WNK3: variants seen among roughly 807,000 people sequenced by gnomAD.
The protein encoded by WNK3 is WNK lysine deficient protein kinase 3.
In WNK3, 18 loss-of-function variants were observed where a neutral mutation model predicts 116.7. The observed-to-expected ratio is 0.15, with a 90% CI of 0.11 to 0.23. The LOEUF is 0.23. Ranked by LOEUF, WNK3 falls within the 10% of genes least tolerant of loss-of-function variation. WNK3 has a pLI of 1.00. For missense variants in WNK3, 993 were observed against 1,323.8 expected (o/e 0.75, Z 3.88); for synonymous variants, 404 against 469.4 (o/e 0.86, Z 1.80).
chrX:54,298,423 C>T, intron 6 of WNK3, 29 bp from the exon 7 acceptor site: 1 of 1,066,009 alleles, frequency 9.4e-7, no homozygotes, highest in Non-Finnish European at 1.3e-6. Context: ...ATCTCATTAT[C>T]AGTTCTTCCA....
chrX:54,213,575 A>AAAAAAAAAC (rs2067647374), intron 22 of WNK3, among the ~76,000 whole-genome samples: 1 of 105,178 alleles, frequency 9.5e-6, no homozygotes, highest in African/African-American at 3.6e-5. Context: ...CAAACAAAAA[A>AAAAAAAAAC]AAAAAAACTA....
At chrX:54,233,445 AAAAG>A (rs1380242496) in intron 20 of WNK3, among the ~76,000 whole-genome samples, 3 of 102,461 alleles carry the variant, frequency 2.9e-5, no homozygotes, top group East Asian at 3.1e-4. Context: ...CAAAAAAAAA[AAAAG>A]AAAGAAAGAG....
chrX:54,288,628 C>T (rs2147095404), intron 10 of WNK3, among the ~76,000 whole-genome samples: 1 of 111,569 alleles, frequency 9.0e-6, no homozygotes, highest in African/African-American at 3.2e-5. Flanking sequence ...TGTCCTTCCA[C>T]TGCCCTCTGA....
At chrX:54,332,856 T>G (rs1331419470) in intron 2 of WNK3, among the ~76,000 whole-genome samples, 1 of 101,558 alleles carries the variant, frequency 9.8e-6, no homozygotes, top group African/African-American at 3.7e-5. Flanking sequence ...CAGATCAAGA[T>G]TCCGCCTCAA....
chrX:54,252,534 G>A (rs187282253), intron 13 of WNK3, among the ~76,000 whole-genome samples: 2 of 109,786 alleles, frequency 1.8e-5, no homozygotes, highest in East Asian at 2.9e-4. Flanking sequence ...GCTGGGTGTG[G>A]TGGCGTGCGC....
intron 22 of WNK3, among the ~76,000 whole-genome samples, chrX:54,226,887 ATCT>A (rs1708458800): frequency 9.0e-6 from 1 of 111,639 alleles, no homozygotes; most frequent in Admixed American, 9.5e-5. Flanking sequence ...ATAGGAATAA[ATCT>A]TCATGACCTT....
chrX:54,228,938 A>G (rs915793922), intron 21 of WNK3, among the ~76,000 whole-genome samples, 195 bp from the exon 22 acceptor site: 1 of 111,696 alleles, frequency 9.0e-6, no homozygotes, highest in Non-Finnish European at 1.9e-5. Flanking sequence ...TGTCCAATAT[A>G]AAGTTTTAGC....
intron 2 of WNK3, among the ~76,000 whole-genome samples, chrX:54,317,351 G>A (rs2068970956): frequency 9.1e-6 from 1 of 109,808 alleles, no homozygotes; most frequent in Non-Finnish European, 1.9e-5. Context: ...GTAGGGACGG[G>A]GTTTCACCAT....
At chrX:54,193,315 A>G (rs1365327357) in exon 24 of WNK3, 1 of 111,357 alleles carries the variant, frequency 9.0e-6, no homozygotes, top group African/African-American at 3.3e-5. Flanking sequence ...CCAGTTAGTC[A>G]CTGTATCTGC....
At chrX:54,248,620 A>G in intron 17 of WNK3, 77 bp downstream of exon 17, 1 of 897,337 alleles carries the variant, frequency 1.1e-6, no homozygotes, top group Non-Finnish European at 1.5e-6. Context: ...CTCAAAGGAC[A>G]GAATTTTAGA....
intron 10 of WNK3, among the ~76,000 whole-genome samples, chrX:54,269,384 T>C (rs2068353132): frequency 9.0e-6 from 1 of 111,246 alleles, no homozygotes; most frequent in Admixed American, 9.7e-5. Context: ...TATAACCACA[T>C]CAAACTCATC....
At chrX:54,300,969 G>A (rs1169541985) in intron 6 of WNK3, among the ~76,000 whole-genome samples, 9 of 111,363 alleles carry the variant, frequency 8.1e-5, no homozygotes, top group Non-Finnish European at 1.5e-4. Context: ...CAGGTTGGGC[G>A]TGGTGGTTCA....
chrX:54,227,133 A>C (rs1464997125), intron 22 of WNK3, among the ~76,000 whole-genome samples: 7 of 112,042 alleles, frequency 6.2e-5, no homozygotes, highest in Non-Finnish European at 1.1e-4. Flanking sequence ...ATATTCAGTA[A>C]GGCTCTAGTC....
chrX:54,213,584 T>TAAAAAAAAAAAA (rs2067648065), intron 22 of WNK3, among the ~76,000 whole-genome samples: 2 of 66,574 alleles, frequency 3.0e-5, no homozygotes, highest in African/African-American at 1.7e-4. Context: ...AAAAAAAAAC[T>TAAAAAAAAAAAA]AGGGGAAAAA....
intron 18 of WNK3, 130 bp from the exon 19 acceptor site, chrX:54,238,602 G>A (rs1364898937): frequency 6.2e-6 from 4 of 648,613 alleles, no homozygotes; most frequent in Admixed American, 3.9e-5. Context: ...AGGTGTTAAT[G>A]TAATAAGCAA....
intron 10 of WNK3, among the ~76,000 whole-genome samples, chrX:54,262,930 CAA>C (rs1302359229): frequency 1.0e-3 from 8 of 8,038 alleles, no homozygotes; most frequent in African/African-American, 5.0e-3. Flanking sequence ...GAAACTGTCT[CAA>C]AAAAAAAAAA....
At chrX:54,251,147 A>T (rs2068125069) in intron 15 of WNK3, among the ~76,000 whole-genome samples, 1 of 111,979 alleles carries the variant, frequency 8.9e-6, no homozygotes, top group Non-Finnish European at 1.9e-5. Flanking sequence ...GGTCATCAGT[A>T]CTGTGACTGC....
At chrX:54,227,305 CTTTGA>C (rs1229420331) in intron 22 of WNK3, among the ~76,000 whole-genome samples, 2 of 111,497 alleles carry the variant, frequency 1.8e-5, no homozygotes, top group African/African-American at 6.5e-5. Context: ...CTCATTGTGC[CTTTGA>C]TTTACATTTC....
chrX:54,273,944 T>C (rs1387037729), intron 10 of WNK3, among the ~76,000 whole-genome samples: 1 of 111,182 alleles, frequency 9.0e-6, no homozygotes, highest in African/African-American at 3.3e-5. Context: ...GAAGAACAAA[T>C]CTACAGGTAA....
Sources: allele counts gnomAD v4.1 joint callset (sites outside exome capture counted in the v4.1 genomes callset), GRCh38; gene constraint gnomAD v4.1.1; transcripts MANE v1.5; gene names NCBI Gene and HGNC (gene_info 2026-07-23, HGNC 2026-07-21).